The following OTOGL variants were observed in gnomAD, a reference collection of about 807,000 sequenced individuals.
OTOGL encodes the protein otogelin like.
In OTOGL, 285 loss-of-function variants were observed where a neutral mutation model predicts 318.5. The observed-to-expected ratio is 0.89, with a 90% CI of 0.81 to 0.99. The LOEUF is 0.99. OTOGL is among the 50% of genes least tolerant of loss of function. The pLI is 0.00. For synonymous variants in OTOGL, 987 were observed against 936.5 expected, an observed-to-expected ratio of 1.05 and a Z score of -0.99; for missense variants, 2,899 against 2,845.6, an observed-to-expected ratio of 1.02 and a Z score of -0.43.
At chr12:80,183,978 T>C (rs148351108) in intron 1 of OTOGL, among the ~76,000 whole-genome samples, 66 of 152,332 alleles carry the variant, frequency 4.3e-4, no homozygotes, top group African/African-American at 1.5e-3. Flanking sequence ...AGAAACTCTT[T>C]ATGGGTGATT....
chr12:80,147,359 G>T (rs1394050842), intron 1 of OTOGL, among the ~76,000 whole-genome samples: 4 of 146,826 alleles, frequency 2.7e-5, no homozygotes, highest in Non-Finnish European at 6.0e-5. Context: ...ATGTAGTTGA[G>T]CGGTTTTGAG....
At chr12:80,295,711 T>C (rs1199247877) in intron 26 of OTOGL, among the ~76,000 whole-genome samples, 2 of 152,200 alleles carry the variant, frequency 1.3e-5, no homozygotes, top group African/African-American at 2.4e-5. Context: ...TAGGACCACT[T>C]TGAGAATTTG....
intron 1 of OTOGL, among the ~76,000 whole-genome samples, chr12:80,133,084 T>A (rs922596912): frequency 6.6e-6 from 1 of 152,186 alleles, no homozygotes; most frequent in East Asian, 1.9e-4. Flanking sequence ...TTATTTTTAA[T>A]TGCCAAGATT....
intron 1 of OTOGL, among the ~76,000 whole-genome samples, chr12:80,101,765 A>T (rs539729741): frequency 9.2e-5 from 14 of 152,288 alleles, no homozygotes; most frequent in Middle Eastern, 3.4e-3. Context: ...AGAACTAATT[A>T]TAAGAGAAAC....
chr12:80,358,872 A>T lies in OTOGL; in HGVS notation c.6239A>T (p.Glu2080Val). Residue 2080 changes from glutamate (E) to valine (V), a missense_variant, in exon 52 of 59, where the codon GAA (glutamate) becomes GTA (valine). This residue lies in a region of OTOGL where 2,607 missense variants were observed against 2,524.9 expected (regional missense o/e 1.03). Transcript: ENST00000547103. ...CPTWHCECNC[E>V]NLIMPTCEVG... is the part of the protein sequence containing the mutation. Reference sequence around the variant, plus strand: ...TTTTGCCTTTTAGAATGTAACTGTGAAAACCTTATTATGCCAACTTGTGAA... The same window carrying T: ...TTTTGCCTTTTAGAATGTAACTGTGTAAACCTTATTATGCCAACTTGTGAA... The T allele has an allele frequency of 6.6e-7, 1 of 1,515,800 alleles. No homozygotes were observed. The allele number at this position is 1,515,800 out of a possible 1,614,324, so 93.9% of individuals were successfully genotyped here.
intron 13 of OTOGL, among the ~76,000 whole-genome samples, chr12:80,252,762 G>A (rs1025681424): frequency 1.3e-5 from 2 of 152,130 alleles, no homozygotes; most frequent in African/African-American, 4.8e-5. Context: ...AACTGAGTGA[G>A]GATTACTTGG....
At chr12:80,103,956 A>C (rs2137067705) in intron 1 of OTOGL, among the ~76,000 whole-genome samples, 1 of 152,344 alleles carries the variant, frequency 6.6e-6, no homozygotes, top group East Asian at 1.9e-4. Context: ...AGGGGTCAAA[A>C]TATAATTTAT....
chr12:80,149,960 C>G (rs1280723672), intron 1 of OTOGL, among the ~76,000 whole-genome samples: 1 of 152,166 alleles, frequency 6.6e-6, no homozygotes, highest in Non-Finnish European at 1.5e-5. Context: ...GTCTGGCACT[C>G]CCTAGTGAGA....
intron 34 of OTOGL, among the ~76,000 whole-genome samples, chr12:80,322,520 G>C (rs1887406393): frequency 6.6e-6 from 1 of 152,196 alleles, no homozygotes. Context: ...TAAGTCTTTA[G>C]ATGTATAGAT....
chr12:80,321,061 T>C (rs1323785418), intron 34 of OTOGL, among the ~76,000 whole-genome samples: 1 of 152,192 alleles, frequency 6.6e-6, no homozygotes, highest in Non-Finnish European at 1.5e-5. Flanking sequence ...ATATCTCCTT[T>C]TTCTTTCCTA....
intron 31 of OTOGL, among the ~76,000 whole-genome samples, chr12:80,314,003 CTT>C (rs1886817146): frequency 6.6e-6 from 1 of 152,162 alleles, no homozygotes; most frequent in African/African-American, 2.4e-5. Flanking sequence ...AGATTTGACT[CTT>C]TAAGCTTTTA....
rs918970155 is a variant in OTOGL, at chr12:80,157,999, T to A, written c.-19-51414T>A. Among the ~76,000 whole-genome samples the A allele has an allele frequency of 5.9e-5, 9 of 152,298 alleles. No individual in the cohort carries two copies. The South Asian group carries it at 1.9e-3, about 32-fold the overall frequency. On this transcript the variant is annotated intron_variant, in intron 1 of 58. Transcript: ENST00000547103. Reference sequence around the variant, plus strand: ...TAATCTAGTACCTGGTTAGTAATAATTTCTTCTTATATGGTGGGTTTAAAT... The same window carrying A: ...TAATCTAGTACCTGGTTAGTAATAAATTCTTCTTATATGGTGGGTTTAAAT...
intron 44 of OTOGL, among the ~76,000 whole-genome samples, chr12:80,345,418 A>G (rs1455667969): frequency 2.7e-5 from 4 of 150,912 alleles, no homozygotes; most frequent in African/African-American, 9.7e-5. Flanking sequence ...TGTATTTTTA[A>G]TAGAGATGGA....
intron 29 of OTOGL, among the ~76,000 whole-genome samples, chr12:80,307,909 C>T: frequency 7.4e-6 from 1 of 135,650 alleles, no homozygotes; most frequent in Non-Finnish European, 1.5e-5. Context: ...GGGCGGCTGG[C>T]CGGGCGGGGG....
chr12:80,229,992 G>GT (rs397850076), intron 8 of OTOGL, among the ~76,000 whole-genome samples: 6,453 of 142,548 alleles, frequency 0.045, 176 homozygotes, highest in Admixed American at 0.063. Flanking sequence ...TTGGTGGAAG[G>GT]TTTTTTTTTT....
intron 1 of OTOGL, among the ~76,000 whole-genome samples, chr12:80,130,287 A>G (rs1280936434): frequency 1.3e-5 from 2 of 152,182 alleles, no homozygotes; most frequent in African/African-American, 4.8e-5. Context: ...AGACAGACAA[A>G]TTGTTCCAGC....
At chr12:80,187,098 T>C (rs7297585) in intron 1 of OTOGL, among the ~76,000 whole-genome samples, 56,015 of 152,050 alleles carry the variant, frequency 0.37, 12,468 homozygotes, top group Admixed American at 0.52. Flanking sequence ...GCAAAGCCAG[T>C]AGTTACTTTG....
In OTOGL at chr12:80,341,969, A is replaced by T. The variant is rs530458879; in HGVS notation, c.5072A>T (p.Asp1691Val). The change falls in exon 44 of 59, where the codon GAT (aspartate) becomes GTT (valine). Residue 1691 changes from aspartate to valine, a missense_variant. Coordinates refer to ENST00000547103, the MANE Select transcript of OTOGL (RefSeq NM_001378609.3). ...GLCGICNEDP[D>V]DDLRMQNGTI... ...CAAGGAATTTGCAATGAAGATCCGGATGATGATCTAAGGATGCAAAATGGC... is the reference window on the plus strand; with the variant it reads ...CAAGGAATTTGCAATGAAGATCCGGTTGATGATCTAAGGATGCAAAATGGC... 4.4e-6 allele frequency: 7 copies of T among 1,606,344 alleles called. No individual in the cohort carries two copies. The South Asian group carries it at 7.8e-5, about 18-fold the overall frequency.
At chr12:80,310,173 G>C (rs1341892588) in intron 29 of OTOGL, among the ~76,000 whole-genome samples, 2 of 152,136 alleles carry the variant, frequency 1.3e-5, no homozygotes, top group Non-Finnish European at 2.9e-5. Context: ...CATTTTTCAG[G>C]GCAGTTTCAG....
Sources: allele counts gnomAD v4.1 joint callset (sites outside exome capture counted in the v4.1 genomes callset), GRCh38; gene constraint gnomAD v4.1.1; regional missense constraint gnomAD v4.1.1; transcripts MANE v1.5; gene names NCBI Gene and HGNC (gene_info 2026-07-23, HGNC 2026-07-21).